The following GPC4 variants were observed in gnomAD, a reference collection of about 807,000 sequenced individuals.
GPC4 encodes the protein glypican-4.
GPC4 carries 10 observed loss-of-function variants against 35.0 expected under a neutral mutation model. The ratio of observed to expected loss-of-function variants is 0.29; its 90% confidence interval spans 0.18 to 0.48. The LOEUF (loss-of-function observed/expected upper bound fraction) is 0.48. GPC4 is among the 20% of genes least tolerant of loss of function. GPC4 has a pLI of 0.99. For missense variants in GPC4, 322 were observed against 451.3 expected (o/e 0.71, Z 2.60); for synonymous variants, 167 against 170.2 (o/e 0.98, Z 0.15).
intron 1 of GPC4, among the ~76,000 whole-genome samples, chrX:133,372,151 G>T (rs1388285935): frequency 3.8e-5 from 4 of 105,862 alleles, no homozygotes; most frequent in African/African-American, 1.4e-4. Context: ...GCTTGAACCT[G>T]AGAGGTGGAG....
rs767791248 is a variant in GPC4, at chrX:133,305,828, G to A, written c.1099C>T (p.Pro367Ser). 8.3e-7 allele frequency: 1 copy of A among 1,211,873 alleles called. No individual in the cohort carries two copies. The highest frequency in any genetic ancestry group is 1.1e-6 in the Non-Finnish European group (1 of 895,508). Residue 367 changes from proline (P) to serine (S), a missense_variant, in exon 6 of 9, where the codon CCA becomes TCA. Transcript: ENST00000370828. The part of the protein sequence containing the change: ...SESAFSARFR[P>S]HHPEERPTTA... Reference sequence around the variant, plus strand: ...GTTGGGCGTTCCTCGGGGTGATGTGGTCTGAAGCGAGCACTGAAGGCACTT... The same window carrying A: ...GTTGGGCGTTCCTCGGGGTGATGTGATCTGAAGCGAGCACTGAAGGCACTT...
At chrX:133,413,431 G>A (rs1037119726) in intron 1 of GPC4, among the ~76,000 whole-genome samples, 4 of 112,167 alleles carry the variant, frequency 3.6e-5, no homozygotes, top group Non-Finnish European at 7.5e-5. Flanking sequence ...ATTGATGACT[G>A]CACTTAATCT....
Position 133,301,997 on chromosome X carries a change from C to T in GPC4, c.*870G>A, listed in dbSNP as rs968911495. 4.5e-5 allele frequency: 5 copies of T among 111,501 alleles called. No individual in the cohort carries two copies. The highest frequency in any genetic ancestry group is 7.5e-5 in the Non-Finnish European group (4 of 53,070). 9.2% of individuals were successfully genotyped at this position (111,501 alleles called of 1,213,427 possible). On this transcript the variant is annotated 3_prime_UTR_variant, in exon 9 of 9. Transcript: ENST00000370828. ...TAACCTGCCTGGTTTTAAAAAAAAA[C>T]ACCCCTAAACCCAAGTGTGAACATG...
chrX:133,380,609 G>C (rs1406726754), intron 1 of GPC4, among the ~76,000 whole-genome samples: 1 of 111,519 alleles, frequency 9.0e-6, no homozygotes, highest in African/African-American at 3.3e-5. Context: ...GCATTTTGTT[G>C]TTGTTGTTGA....
intron 1 of GPC4, among the ~76,000 whole-genome samples, chrX:133,339,886 T>C (rs2068459146): frequency 8.9e-6 from 1 of 112,375 alleles, no homozygotes; most frequent in African/African-American, 3.2e-5. Flanking sequence ...GGGTTTATGC[T>C]GGATAATCTG....
In GPC4 at chrX:133,415,325, T is replaced by G. The variant is rs1023020011; in HGVS notation, c.-360A>C. The G allele has an allele frequency of 2.5e-5, 5 of 197,028 alleles. No homozygotes were observed. Among genetic ancestry groups the G allele is most frequent in the African/African-American group, 3.1e-5 (1 of 32,573 alleles). The allele number at this position is 197,028 out of a possible 1,213,427, so 16.2% of individuals were successfully genotyped here. A position where few individuals can be genotyped will look rare whatever the true frequency, so the allele number is the denominator to read the frequency against. On this transcript the variant is annotated 5_prime_UTR_variant, in exon 1 of 9. Coordinates refer to ENST00000370828, the MANE Select transcript of GPC4 (RefSeq NM_001448.3). ...GGGGACGCGGGGAAGGAGGGAAGGG[T>G]GGCAGGCGCCGCGGGGACCGCAGAG...
chrX:133,334,006 A>G (rs2068431832), intron 2 of GPC4, among the ~76,000 whole-genome samples: 1 of 112,347 alleles, frequency 8.9e-6, no homozygotes, highest in South Asian at 3.7e-4. Flanking sequence ...TAGGTAGAAA[A>G]TAGTTAAAGT....
chrX:133,399,402 A>T (rs1329752509), intron 1 of GPC4, among the ~76,000 whole-genome samples: 2 of 111,860 alleles, frequency 1.8e-5, no homozygotes, highest in Admixed American at 9.5e-5. Context: ...GAAAGAGCCA[A>T]TCCTTCAAGG....
chrX:133,415,124 G>A lies in GPC4; in HGVS notation c.-159C>T. On this transcript the variant is annotated 5_prime_UTR_variant, in exon 1 of 9. Transcript: ENST00000370828. ...AGAGGCGAGCAGGCGGAGGAGACGC[G>A]GGGCGAAAAGTAGAGCTGGGCCTCG... The A allele has an allele frequency of 2.0e-6, 1 of 511,105 alleles. No homozygotes were observed. The highest frequency in any genetic ancestry group is 3.1e-6 in the Non-Finnish European group (1 of 318,313). 42.1% of individuals were successfully genotyped at this position (511,105 alleles called of 1,213,427 possible). A position where few individuals can be genotyped will look rare whatever the true frequency, so the allele number is the denominator to read the frequency against.
At chrX:133,347,862 C>T (rs915109525) in intron 1 of GPC4, among the ~76,000 whole-genome samples, 7 of 111,860 alleles carry the variant, frequency 6.3e-5, no homozygotes, top group African/African-American at 2.3e-4. Flanking sequence ...TTTGAGATCA[C>T]CTACTAATCA....
At chrX:133,408,993 A>T (rs184417116) in intron 1 of GPC4, among the ~76,000 whole-genome samples, 35 of 109,469 alleles carry the variant, frequency 3.2e-4, no homozygotes, top group Non-Finnish European at 5.5e-4. Context: ...CGTCTCTACT[A>T]AAAATACAAA....
At chrX:133,372,936 T>C (rs1239304086) in intron 1 of GPC4, among the ~76,000 whole-genome samples, 6 of 111,662 alleles carry the variant, frequency 5.4e-5, no homozygotes, top group East Asian at 5.7e-4. Context: ...TAACACTTTA[T>C]TGACACCTTC....
At chrX:133,406,798 G>A (rs1268968845) in intron 1 of GPC4, among the ~76,000 whole-genome samples, 1 of 104,913 alleles carries the variant, frequency 9.5e-6, no homozygotes, top group Middle Eastern at 4.9e-3. Context: ...CCATGGGCCA[G>A]GCACAGTGGC....
At chrX:133,328,402 T>C (rs1182472193) in intron 2 of GPC4, among the ~76,000 whole-genome samples, 1 of 111,588 alleles carries the variant, frequency 9.0e-6, no homozygotes, top group Non-Finnish European at 1.9e-5. Context: ...AATAATTTGC[T>C]ATTAGAAAGA....
intron 1 of GPC4, among the ~76,000 whole-genome samples, chrX:133,409,513 C>A (rs2068804335): frequency 1.8e-5 from 2 of 110,531 alleles, no homozygotes; most frequent in South Asian, 7.7e-4. Context: ...ATTGCACTGA[C>A]CTACCACACT....
At chrX:133,341,218 G>C (rs920157380) in intron 1 of GPC4, among the ~76,000 whole-genome samples, 23 of 111,335 alleles carry the variant, frequency 2.1e-4, no homozygotes, top group Non-Finnish European at 4.1e-4. Flanking sequence ...GTTGTCTCCT[G>C]GTTTCAGTGT....
In GPC4 at chrX:133,414,992, C is replaced by T. The variant is rs371690237; in HGVS notation, c.-27G>A. ...GTGCGGGCCGGGGCGGACGCGTTCC[C>T]ACCTTTGGGACCGGACGGGAAGCGG... On this transcript the variant is annotated 5_prime_UTR_variant, in exon 1 of 9. Coordinates refer to ENST00000370828, the MANE Select transcript of GPC4 (RefSeq NM_001448.3). 4.2e-6 allele frequency: 5 copies of T among 1,197,370 alleles called. No homozygotes were observed. The African/African-American group carries it at 7.0e-5, about 17-fold the overall frequency.
At position 133,404,866 on chromosome X, in the gene GPC4, A is replaced by AAAAAAG. The variant is rs753375530; in HGVS notation, c.160+9939_160+9940insCTTTTT. Among the ~76,000 whole-genome samples, 21 of 89,271 alleles carry AAAAAAG rather than the reference A, an allele frequency of 2.4e-4. 1 individual carries two copies. Among genetic ancestry groups the AAAAAAG allele is most frequent in the East Asian group, 1.1e-3 (3 of 2,761 alleles). The allele number at this position is 89,271 out of a possible 115,157, so 77.5% of individuals were successfully genotyped here. Reference sequence around the variant, plus strand: ...GACCCTGTCTCAAAAAAAAAAAAAAAAAGGTGCAGAGGAACAAAATCATAA... The same window carrying AAAAAAG: ...GACCCTGTCTCAAAAAAAAAAAAAAAAAAAAGAAGGTGCAGAGGAACAAAATCATAA... On this transcript the variant is annotated intron_variant, in intron 1 of 8. Coordinates refer to ENST00000370828, the MANE Select transcript of GPC4 (RefSeq NM_001448.3).
chrX:133,315,469 A>G (rs1171054814), intron 3 of GPC4, among the ~76,000 whole-genome samples: 2 of 110,658 alleles, frequency 1.8e-5, no homozygotes, highest in African/African-American at 3.3e-5. Flanking sequence ...TTAAGCAAAC[A>G]TAACAGTGGA....
Sources: allele counts gnomAD v4.1 joint callset (sites outside exome capture counted in the v4.1 genomes callset), GRCh38; gene constraint gnomAD v4.1.1; transcripts MANE v1.5; gene names NCBI Gene and HGNC (gene_info 2026-07-23, HGNC 2026-07-21).